The following PDE1C variants were observed in gnomAD, a reference collection of about 807,000 sequenced individuals.
The protein encoded by PDE1C is phosphodiesterase 1C.
A neutral mutation model predicts 93.1 loss-of-function variants in PDE1C; 62 were observed. The ratio of observed to expected loss-of-function variants is 0.67; its 90% CI spans 0.54 to 0.82. The LOEUF (loss-of-function observed/expected upper bound fraction) is 0.82. PDE1C is among the 40% of genes least tolerant of loss of function. PDE1C has a pLI of 0.00. For missense variants in PDE1C, 742 were observed against 884.6 expected (o/e 0.84, Z 2.04); for synonymous variants, 325 against 310.1 (o/e 1.05, Z -0.50).
intron 1 of PDE1C, among the ~76,000 whole-genome samples, chr7:32,374,063 C>A (rs1784376742): frequency 1.0e-5 from 1 of 96,442 alleles, no homozygotes; most frequent in East Asian, 3.6e-4. Flanking sequence ...GGGAGGTAGG[C>A]AGGAAAGAGG....
chr7:31,640,928 G>A, the PDE1C span, among the ~76,000 whole-genome samples: 7 of 152,128 alleles, frequency 4.6e-5, no homozygotes, highest in East Asian at 3.9e-4. Flanking sequence ...GTTTGAGGCT[G>A]AATTAAAGAG....
the PDE1C span, among the ~76,000 whole-genome samples, chr7:31,629,075 C>T: frequency 6.6e-6 from 1 of 152,180 alleles, no homozygotes; most frequent in Non-Finnish European, 1.5e-5. Flanking sequence ...GGTCATGGGA[C>T]ATTGTTCACT....
At chr7:32,393,729 G>A (rs1291185332) in intron 1 of PDE1C, among the ~76,000 whole-genome samples, 1 of 152,058 alleles carries the variant, frequency 6.6e-6, no homozygotes, top group Non-Finnish European at 1.5e-5. Flanking sequence ...CTAACTCCAG[G>A]TTACATTCAC....
At chr7:32,338,454 TAAAAC>T (rs1352959643) in intron 1 of PDE1C, among the ~76,000 whole-genome samples, 1 of 152,046 alleles carries the variant, frequency 6.6e-6, no homozygotes, top group East Asian at 1.9e-4. Context: ...GGCTACTAGT[TAAAAC>T]AAAACAAAAC....
the PDE1C span, among the ~76,000 whole-genome samples, chr7:31,619,842 C>T: frequency 6.6e-6 from 1 of 152,282 alleles, no homozygotes; most frequent in Non-Finnish European, 1.5e-5. Context: ...TCAGGGAGTT[C>T]CCTTTCCTAG....
chr7:31,696,120 G>A, the PDE1C span: 1 of 152,434 alleles, frequency 6.6e-6, no homozygotes, highest in Admixed American at 6.5e-5. Context: ...CAAGAGAAAA[G>A]CAAAGCAGTC....
At chr7:32,030,965 G>T (rs1790228759) in intron 2 of PDE1C, among the ~76,000 whole-genome samples, 1 of 152,024 alleles carries the variant, frequency 6.6e-6, no homozygotes, top group African/African-American at 2.4e-5. Flanking sequence ...TAGAGCCTTT[G>T]ATCTATTTTA....
At chr7:31,985,072 C>T (rs1012039351) in intron 2 of PDE1C, among the ~76,000 whole-genome samples, 2 of 152,136 alleles carry the variant, frequency 1.3e-5, no homozygotes, top group African/African-American at 4.8e-5. Context: ...AAAGAACAAA[C>T]CCTGGGAATC....
chr7:32,267,572 T>TCTCTCTCA (rs1401089095), intron 1 of PDE1C, among the ~76,000 whole-genome samples: 1 of 117,066 alleles, frequency 8.5e-6, no homozygotes, highest in African/African-American at 2.9e-5. Context: ...TCTCTCTCTC[T>TCTCTCTCA]CACACACACA....
chr7:32,330,581 C>T (rs1180845599), intron 1 of PDE1C, among the ~76,000 whole-genome samples: 2 of 152,230 alleles, frequency 1.3e-5, no homozygotes, highest in African/African-American at 4.8e-5. Context: ...TCCCACAGTG[C>T]ATTTGGATCT....
chr7:32,349,424 G>A (rs1783916566), intron 1 of PDE1C, among the ~76,000 whole-genome samples: 1 of 152,164 alleles, frequency 6.6e-6, no homozygotes, highest in Non-Finnish European at 1.5e-5. Context: ...AAATGGGTCT[G>A]GCTTTAGTTC....
At chr7:31,994,938 T>G (rs769924321) in intron 2 of PDE1C, among the ~76,000 whole-genome samples, 1 of 152,032 alleles carries the variant, frequency 6.6e-6, no homozygotes, top group Non-Finnish European at 1.5e-5. Context: ...CTACTGAAAA[T>G]GTAGTAAAAG....
chr7:31,872,877 G>A (rs1796109417), intron 6 of PDE1C, among the ~76,000 whole-genome samples: 1 of 152,126 alleles, frequency 6.6e-6, no homozygotes, highest in South Asian at 2.1e-4. Context: ...GTCTGAATGA[G>A]CCAAGTGGTG....
At chr7:32,051,512 A>T (rs1463983791) in intron 2 of PDE1C, 42 bp downstream of exon 2, 2 of 1,604,566 alleles carry the variant, frequency 1.2e-6, no homozygotes, top group Non-Finnish European at 8.5e-7. Flanking sequence ...GAGCTGGGCC[A>T]CAAATGAATC....
At position 32,133,540 on chromosome 7, in the gene PDE1C, T is replaced by A. The variant is rs541487005; in HGVS notation, c.308+36245A>T. On this transcript the variant is annotated intron_variant, in intron 3 of 18. Coordinates refer to the PDE1C transcript ENST00000396193. ...GGAGTGAGGAAGGACCCTGAACCAG[T>A]GTATAAATTTAGCCCAAATGTCTGG... Among the ~76,000 whole-genome samples, 10 of 152,250 alleles carry A rather than the reference T, an allele frequency of 6.6e-5. No individual in the cohort carries two copies. In the South Asian group the frequency reaches 2.1e-3, roughly 32 times the overall value.
chr7:32,258,012 C>G (rs1809928810), intron 1 of PDE1C, among the ~76,000 whole-genome samples: 1 of 152,236 alleles, frequency 6.6e-6, no homozygotes, highest in African/African-American at 2.4e-5. Flanking sequence ...AAGAGCCAAA[C>G]AGGCCAATTC....
chr7:31,909,268 A>G (rs1800949519), intron 2 of PDE1C, among the ~76,000 whole-genome samples: 1 of 152,212 alleles, frequency 6.6e-6, no homozygotes, highest in Non-Finnish European at 1.5e-5. Flanking sequence ...GGGACTTCCT[A>G]CAAGCTTTCT....
At chr7:32,294,620 G>C (rs892008426) in intron 1 of PDE1C, among the ~76,000 whole-genome samples, 1 of 152,216 alleles carries the variant, frequency 6.6e-6, no homozygotes, top group African/African-American at 2.4e-5. Context: ...ACTTTGAGGG[G>C]GAGGTGTTTG....
At chr7:31,857,392 A>T (rs1794153460) in intron 7 of PDE1C, among the ~76,000 whole-genome samples, 1 of 152,184 alleles carries the variant, frequency 6.6e-6, no homozygotes, top group South Asian at 2.1e-4. Flanking sequence ...CTGGCCAATA[A>T]AACAGAAGTG....
Sources: gnomAD v4.1 joint callset for allele counts (sites outside exome capture counted in the v4.1 genomes callset) on GRCh38, gnomAD v4.1.1 for gene constraint, MANE v1.5 for transcripts, NCBI Gene and HGNC (gene_info 2026-07-23, HGNC 2026-07-21) for gene names.